RB1: variants seen among roughly 807,000 people sequenced by gnomAD.
RB1 encodes RB transcriptional corepressor 1, also known as retinoblastoma-associated protein.
RB1 carries 18 observed loss-of-function variants against 135.4 expected under a neutral mutation model. The observed-to-expected ratio is 0.13, with a 90% CI of 0.09 to 0.20. RB1 has a LOEUF of 0.20. RB1 is among the 10% of genes least tolerant of loss of function. RB1 has a pLI of 1.00. For missense variants in RB1, 868 were observed against 1,110.0 expected (o/e 0.78, Z 3.10); for synonymous variants, 365 against 373.2 (o/e 0.98, Z 0.25).
intron 8 of RB1, among the ~76,000 whole-genome samples, chr13:48,364,271 T>A (rs941618105): frequency 6.6e-6 from 1 of 152,162 alleles, no homozygotes; most frequent in Non-Finnish European, 1.5e-5. Flanking sequence ...GAAAAAGGCA[T>A]GTCTTGAATG....
chr13:48,414,460 C>T (rs1948874566), intron 17 of RB1, among the ~76,000 whole-genome samples: 1 of 151,338 alleles, frequency 6.6e-6, no homozygotes, highest in Non-Finnish European at 1.5e-5. Context: ...TTGAGGATAT[C>T]ACAACCTCTA....
chr13:48,320,175 G>T, intron 2 of RB1: 2 of 885,174 alleles, frequency 2.3e-6, no homozygotes, highest in Admixed American at 2.3e-5. Context: ...TGGGGTCAAA[G>T]TCAGCAACAA....
In RB1 at chr13:48,347,822, C is replaced by T. The variant is rs773662417; in HGVS notation, c.501-3C>T. On this transcript the variant is annotated splice_polypyrimidine_tract_variant and splice_region_variant and intron_variant, in intron 4 of 26. Transcript: ENST00000267163. The stretch of plus-strand genomic sequence containing the variant: ...TAAAAAGTCATAATGTTTTTCTTTT[C>T]AGGACATGTGAACTTATATATTTGA... The T allele has an allele frequency of 3.8e-6, 6 of 1,583,272 alleles. No homozygotes were observed. The highest frequency in any genetic ancestry group is 1.7e-4 in the Middle Eastern group (1 of 6,002).
rs1948586177 is a variant in RB1, at chr13:48,388,384, AG to A, written c.1695+6942del. 2.0e-5 allele frequency among the ~76,000 whole-genome samples: 3 copies of A among 152,316 alleles called. No individual in the cohort carries two copies. The South Asian group carries it at 6.2e-4, about 32-fold the overall frequency. ...GGTCATTTCAATAGAGGTGTCAAGTAGCAGTTGGATATGTGTGTCTGGAACT... is the reference window on the plus strand; with the variant it reads ...GGTCATTTCAATAGAGGTGTCAAGTACAGTTGGATATGTGTGTCTGGAACT... On this transcript the variant is annotated intron_variant, in intron 17 of 26. Transcript: ENST00000267163.
At chr13:48,310,179 C>T (rs1952120000) in intron 2 of RB1, among the ~76,000 whole-genome samples, 2 of 152,072 alleles carry the variant, frequency 1.3e-5, no homozygotes, top group Admixed American at 6.5e-5. Flanking sequence ...AGAATTTAAC[C>T]TTCATTTATA....
Position 48,319,488 on chromosome 13 carries a change from T to G in RB1, c.264+12082T>G, listed in dbSNP as rs1287994145. ...GCCAGCGCTCCTCTTGACCCCGCTT[T>G]TATTCTGTGGTGCTTCTGAAGGGCT... On this transcript the variant is annotated intron_variant, in intron 2 of 26. Transcript: ENST00000267163. The surrounding 1 kb of genome is among the most constrained non-coding windows in gnomAD (Gnocchi z 5.0). The G allele has an allele frequency of 6.7e-6, 2 of 300,022 alleles. No individual in the cohort carries two copies. Among genetic ancestry groups the G allele is most frequent in the East Asian group, 1.8e-4 (2 of 11,172 alleles). 18.6% of individuals were successfully genotyped at this position (300,022 alleles called of 1,614,324 possible).
Position 48,313,745 on chromosome 13 carries a change from C to CTTTTT in RB1, c.264+6356_264+6360dup, listed in dbSNP as rs56131979. Reference sequence around the variant, plus strand: ...TATTCCATTGCTCTGTATGTTTATTCTTTTTTTTTTTTTTTTTTTTTGAGA... The same window carrying CTTTTT: ...TATTCCATTGCTCTGTATGTTTATTCTTTTTTTTTTTTTTTTTTTTTTTTTTGAGA... On this transcript the variant is annotated intron_variant, in intron 2 of 26. Coordinates refer to ENST00000267163, the MANE Select transcript of RB1 (RefSeq NM_000321.3). 2.7e-3 allele frequency among the ~76,000 whole-genome samples: 275 copies of CTTTTT among 101,940 alleles called. 2 individuals carry two copies. The highest frequency in any genetic ancestry group is 0.014 in the Middle Eastern group (1 of 72). 66.9% of individuals were successfully genotyped at this position (101,940 alleles called of 152,430 possible). A position where few individuals can be genotyped will look rare whatever the true frequency, so the allele number is the denominator to read the frequency against.
chr13:48,399,480 T>C (rs1948674398), intron 17 of RB1, among the ~76,000 whole-genome samples: 1 of 152,030 alleles, frequency 6.6e-6, no homozygotes, highest in Non-Finnish European at 1.5e-5. Flanking sequence ...TCCACTGAAA[T>C]GTAGCAAGGA....
chr13:48,318,287 C>A, intron 2 of RB1: 2 of 1,093,742 alleles, frequency 1.8e-6, no homozygotes, highest in South Asian at 3.4e-5. Flanking sequence ...GGAGCCCGCC[C>A]AGCTGCTCCA....
chr13:48,340,486 C>T (rs1446558324), intron 2 of RB1, among the ~76,000 whole-genome samples: 1 of 151,346 alleles, frequency 6.6e-6, no homozygotes, highest in East Asian at 1.9e-4. Flanking sequence ...GTTTTGACTA[C>T]TAAATGTTCT....
intron 1 of RB1, among the ~76,000 whole-genome samples, chr13:48,306,229 A>C (rs889956765): frequency 6.6e-6 from 1 of 151,842 alleles, no homozygotes; most frequent in African/African-American, 2.4e-5. Context: ...ACAAAACAAG[A>C]CCCTGTCTCT....
At chr13:48,357,449 T>C (rs1952602833) in intron 6 of RB1, among the ~76,000 whole-genome samples, 1 of 152,102 alleles carries the variant, frequency 6.6e-6, no homozygotes. Flanking sequence ...TTATGATACA[T>C]TTTTATTGAA....
At chr13:48,476,141 A>G (rs1949502865) in intron 24 of RB1, among the ~76,000 whole-genome samples, 1 of 152,212 alleles carries the variant, frequency 6.6e-6, no homozygotes, top group African/African-American at 2.4e-5. Context: ...AATAAAGTAT[A>G]ATTGGCAAAG....
intron 17 of RB1, among the ~76,000 whole-genome samples, chr13:48,437,778 C>G (rs1349082485): frequency 6.6e-6 from 1 of 152,204 alleles, no homozygotes; most frequent in Non-Finnish European, 1.5e-5. Flanking sequence ...TCAGAAGTGA[C>G]ATGCCATCAC....
intron 10 of RB1, among the ~76,000 whole-genome samples, chr13:48,368,326 A>G (rs1952724617): frequency 6.6e-6 from 1 of 152,218 alleles, no homozygotes; most frequent in African/African-American, 2.4e-5. Flanking sequence ...CATAATGGAA[A>G]GAGACCCACA....
At chr13:48,478,711 G>C (rs1949518720) in intron 26 of RB1, among the ~76,000 whole-genome samples, 1 of 152,126 alleles carries the variant, frequency 6.6e-6, no homozygotes, top group Non-Finnish European at 1.5e-5. Context: ...TGAGGCTAAG[G>C]CATTTCTTTA....
chr13:48,325,942 CTT>C (rs1377319775), intron 2 of RB1, among the ~76,000 whole-genome samples: 1 of 152,050 alleles, frequency 6.6e-6, no homozygotes, highest in Non-Finnish European at 1.5e-5. Flanking sequence ...ATAGAATAGT[CTT>C]TGCTCAAATC....
rs1041744773 is a variant in RB1 at position 48,339,378 on chromosome 13, G to A, written c.265-3221G>A. Among the ~76,000 whole-genome samples the A allele has an allele frequency of 3.9e-5, 6 of 152,290 alleles. No individual in the cohort carries two copies. In the South Asian group the frequency reaches 8.3e-4, roughly 21 times the overall value. ...TACTCAAGCTTCAGCAATGGCGGGC[G>A]CCCCTCTCCTAGCCTCGCTACTGCC... On this transcript the variant is annotated intron_variant, in intron 2 of 26. Transcript: ENST00000267163.
chr13:48,475,096 C>T (rs367438), intron 24 of RB1, among the ~76,000 whole-genome samples: 125,420 of 151,948 alleles, frequency 0.83, 55,722 homozygotes, highest in East Asian at 1. Flanking sequence ...TGGTATTGAA[C>T]TCCTGGCTTC....
Sources: allele counts gnomAD v4.1 joint callset (sites outside exome capture counted in the v4.1 genomes callset), GRCh38; gene constraint gnomAD v4.1.1; non-coding constraint Gnocchi (gnomAD v3.1); transcripts MANE v1.5; gene names NCBI Gene and HGNC (gene_info 2026-07-23, HGNC 2026-07-21).